POLR3E: variants seen among roughly 807,000 people sequenced by gnomAD.
The protein encoded by POLR3E is DNA-directed RNA polymerase III subunit RPC5.
POLR3E carries 41 observed loss-of-function variants against 96.6 expected under a neutral mutation model. The ratio of observed to expected loss-of-function variants is 0.42; its 90% CI spans 0.33 to 0.55. POLR3E has a LOEUF of 0.55. POLR3E is among the 20% of genes least tolerant of loss of function. The pLI, the probability that POLR3E is intolerant of heterozygous loss-of-function variation, is 0.06. For synonymous variants in POLR3E, 396 were observed against 383.6 expected (o/e 1.03, Z -0.38); for missense variants, 849 against 952.1 (o/e 0.89, Z 1.43).
rs1415270285 is a variant in POLR3E at position 22,322,558 on chromosome 16, G to A, written c.987-292G>A. 6.6e-6 allele frequency among the ~76,000 whole-genome samples: 1 copy of A among 152,140 alleles called. No individual in the cohort carries two copies. Among genetic ancestry groups the A allele is most frequent in the East Asian group, 1.9e-4 (1 of 5,190 alleles). On this transcript the variant is annotated intron_variant, in intron 13 of 20. Coordinates refer to ENST00000299853, the MANE Select transcript of POLR3E (RefSeq NM_018119.4). The surrounding 1 kb of genome is among the most constrained non-coding windows in gnomAD (Gnocchi z 5.2). ...TCCCGGGCTGTTCCTCACCTTGTCT[G>A]TCTCTGAGCCCGTGACCTCTCCCTG... is the stretch of plus-strand genomic sequence containing the variant.
intron 20 of POLR3E, among the ~76,000 whole-genome samples, chr16:22,333,282 A>T (rs2048782313): frequency 6.6e-6 from 1 of 151,242 alleles, no homozygotes; most frequent in Non-Finnish European, 1.5e-5. Flanking sequence ...GAGAAACCCC[A>T]TCTCTACTAA....
intron 1 of POLR3E, among the ~76,000 whole-genome samples, chr16:22,302,153 T>C (rs1442100031): frequency 1.3e-5 from 2 of 151,978 alleles, no homozygotes; most frequent in African/African-American, 4.8e-5. Flanking sequence ...CCCAAAGCTC[T>C]CTCTTCTTCC....
intron 1 of POLR3E, among the ~76,000 whole-genome samples, chr16:22,297,809 G>GGGCA (rs2047926665): frequency 6.6e-6 from 1 of 152,242 alleles, no homozygotes; most frequent in Non-Finnish European, 1.5e-5. Flanking sequence ...TGCCCTATCC[G>GGGCA]GGCCTGGGAG....
intron 1 of POLR3E, among the ~76,000 whole-genome samples, chr16:22,301,578 TTAAAAA>T (rs1833775919): frequency 6.7e-6 from 1 of 149,194 alleles, no homozygotes; most frequent in African/African-American, 2.5e-5. Context: ...AAGACATGTC[TTAAAAA>T]TAAATAAATA....
chr16:22,333,497 G>A, intron 20 of POLR3E, 147 bp from the exon 21 acceptor site: 2 of 569,080 alleles, frequency 3.5e-6, no homozygotes, highest in Admixed American at 2.9e-5. Flanking sequence ...GTGGCTGGTA[G>A]TAGCCATGGT....
At chr16:22,297,738 A>T (rs2047924386) in intron 1 of POLR3E, among the ~76,000 whole-genome samples, 1 of 152,154 alleles carries the variant, frequency 6.6e-6, no homozygotes, top group African/African-American at 2.4e-5. Context: ...TTGACCTGAC[A>T]CCTGGGAGTT....
Position 22,314,183 on chromosome 16 carries a change from A to G in POLR3E, c.522+55A>G, listed in dbSNP as rs1419063232. 3 of 1,414,170 alleles carry G rather than the reference A, an allele frequency of 2.1e-6. No homozygotes were observed. In the Admixed American group the frequency reaches 5.1e-5, roughly 24 times the overall value. The allele number at this position is 1,414,170 out of a possible 1,614,324, so 87.6% of individuals were successfully genotyped here. A position where few individuals can be genotyped will look rare whatever the true frequency, so the allele number is the denominator to read the frequency against. On this transcript the variant is annotated intron_variant, in intron 8 of 20. Coordinates refer to ENST00000299853, the MANE Select transcript of POLR3E (RefSeq NM_018119.4). Reference sequence around the variant, plus strand: ...GCTGCCTGGGCGGCAGCAGGACCAGAGACCAAGGGGTAGCGGGTCTTCACA... The same window carrying G: ...GCTGCCTGGGCGGCAGCAGGACCAGGGACCAAGGGGTAGCGGGTCTTCACA...
Position 22,318,656 on chromosome 16 carries a change from T to G in POLR3E, c.866-170T>G, listed in dbSNP as rs2048407952. ...TTCATGAGGTGCCCAGTGCCTGGCA[T>G]GTAGTGAGCAGCCTGAGAGTGTCAG... On this transcript the variant is annotated intron_variant, in intron 12 of 20. Coordinates refer to ENST00000299853, the MANE Select transcript of POLR3E (RefSeq NM_018119.4). This position sits in a 1 kb window ranked among gnomAD's most constrained non-coding sequence, Gnocchi z 5.0. 1.3e-5 allele frequency among the ~76,000 whole-genome samples: 2 copies of G among 152,284 alleles called. No homozygotes were observed. The highest frequency in any genetic ancestry group is 4.1e-4 in the South Asian group (2 of 4,828).
intron 1 of POLR3E, among the ~76,000 whole-genome samples, chr16:22,298,076 C>G (rs2047933655): frequency 6.6e-6 from 1 of 152,250 alleles, no homozygotes; most frequent in Admixed American, 6.5e-5. Flanking sequence ...TTTATTCAGG[C>G]AACCATTCAG....
chr16:22,330,986 T>TC (rs1567334393), intron 19 of POLR3E, among the ~76,000 whole-genome samples: 26 of 126,386 alleles, frequency 2.1e-4, no homozygotes, highest in Admixed American at 2.0e-3. Flanking sequence ...ACATGAAGCA[T>TC]CCTTTTTTTT....
intron 3 of POLR3E, 102 bp from the exon 4 acceptor site, chr16:22,308,046 C>A: frequency 1.2e-6 from 1 of 825,848 alleles, no homozygotes; most frequent in East Asian, 2.6e-5. Context: ...AGGCCAGTCT[C>A]TGCTTGGGGT....
In POLR3E at chr16:22,325,928, G is replaced by C; in HGVS notation, c.1516G>C (p.Gly506Arg). 1 of 1,597,822 alleles carries C rather than the reference G, an allele frequency of 6.3e-7. No individual in the cohort carries two copies. Among genetic ancestry groups the C allele is most frequent in the Middle Eastern group, 1.7e-4 (1 of 5,922 alleles). The change falls in exon 18 of 21, where the codon GGC becomes CGC. Residue 506 changes from glycine to arginine, a missense_variant. Transcript: ENST00000299853. ...RIKEEPVSEEGEEDEEQEAEE... is the reference protein window; with the variant it reads ...RIKEEPVSEEREEDEEQEAEE... ...CAAGGAGGAGCCCGTGAGCGAGGAG[G>C]GCGAGGAGGACGAGGAGCAGGAGGC...
At chr16:22,308,409 C>A in intron 4 of POLR3E, 184 bp downstream of exon 4, 1 of 601,304 alleles carries the variant, frequency 1.7e-6, no homozygotes, top group Non-Finnish European at 3.0e-6. Flanking sequence ...CCAGAGAGGC[C>A]AGGGACGCAT....
At chr16:22,312,134 T>C (rs1567314801) in intron 6 of POLR3E, among the ~76,000 whole-genome samples, 1 of 152,098 alleles carries the variant, frequency 6.6e-6, no homozygotes, top group Non-Finnish European at 1.5e-5. Flanking sequence ...CCTGGTTCTT[T>C]TTGTGGTGAT....
At position 22,325,902 on chromosome 16, in the gene POLR3E, T is replaced by C; in HGVS notation, c.1490T>C (p.Ile497Thr). 6.2e-7 allele frequency: 1 copy of C among 1,607,108 alleles called. No individual in the cohort carries two copies. The part of the protein sequence containing the change: ...RVPAVPPGVR[I>T]KEEPVSEEGE... Reference sequence around the variant, plus strand: ...CCTGCGGTCCCGCCCGGTGTGCGGATCAAGGAGGAGCCCGTGAGCGAGGAG... The same window carrying C: ...CCTGCGGTCCCGCCCGGTGTGCGGACCAAGGAGGAGCCCGTGAGCGAGGAG... The change falls in exon 18 of 21, where the codon ATC (isoleucine) becomes ACC (threonine). Residue 497 changes from isoleucine to threonine, a missense_variant. Coordinates refer to ENST00000299853, the MANE Select transcript of POLR3E (RefSeq NM_018119.4).
At chr16:22,302,057 CCAGCTGAAAT>C (rs142072489) in intron 1 of POLR3E, among the ~76,000 whole-genome samples, 6,552 of 152,200 alleles carry the variant, frequency 0.043, 469 homozygotes, top group African/African-American at 0.15. Context: ...AAGGGGCAGA[CCAGCTGAAAT>C]ACTCAACCTG....
intron 19 of POLR3E, among the ~76,000 whole-genome samples, chr16:22,330,988 C>CTTTTTTTTTTTTTTTTTTTTT (rs56100056): frequency 3.9e-5 from 2 of 50,732 alleles, no homozygotes; most frequent in Non-Finnish European, 7.7e-5. Flanking sequence ...ATGAAGCATC[C>CTTTTTTTTTTTTTTTTTTTTT]TTTTTTTTTT....
chr16:22,305,276 G>A (rs1027895026), intron 3 of POLR3E, 70 bp downstream of exon 3: 15 of 1,142,726 alleles, frequency 1.3e-5, no homozygotes, highest in East Asian at 4.7e-5. Context: ...TCAGGAACAC[G>A]GGCAGGAAAC....
At position 22,320,720 on chromosome 16, in the gene POLR3E, T is replaced by C. The variant is rs190141921; in HGVS notation, c.986+1774T>C. On this transcript the variant is annotated intron_variant, in intron 13 of 20. Transcript: ENST00000299853. Reference sequence around the variant, plus strand: ...ATTTCGTTCTGCCTAAAGAATGCTATAGTATTTCCTTTAATGTGGGTCTGT... The same window carrying C: ...ATTTCGTTCTGCCTAAAGAATGCTACAGTATTTCCTTTAATGTGGGTCTGT... 9.5e-4 allele frequency among the ~76,000 whole-genome samples: 144 copies of C among 152,346 alleles called. 1 individual carries two copies. The highest frequency in any genetic ancestry group is 2.6e-3 in the African/African-American group (110 of 41,574).
Sources: gnomAD v4.1 joint callset for allele counts (sites outside exome capture counted in the v4.1 genomes callset) on GRCh38, gnomAD v4.1.1 for gene constraint, Gnocchi (gnomAD v3.1) non-coding constraint, MANE v1.5 for transcripts, NCBI Gene and HGNC (gene_info 2026-07-23, HGNC 2026-07-21) for gene names.